IFT88: variants seen among roughly 807,000 people sequenced by gnomAD.
IFT88 encodes the protein intraflagellar transport 88.
Under a neutral mutation model 119.5 loss-of-function variants are expected in IFT88, and 74 were observed. That is an observed-to-expected ratio of 0.62 (90% CI 0.51 to 0.75). The LOEUF is 0.75. Among genes scored for constraint, IFT88 ranks in the 30% least tolerant of loss-of-function variants. IFT88 has a pLI of 0.00. For synonymous variants in IFT88, 279 were observed against 316.7 expected (o/e 0.88, Z 1.26); for missense variants, 961 against 977.7 (o/e 0.98, Z 0.23).
At chr13:20,626,055 T>C (rs2047263518) in intron 15 of IFT88, among the ~76,000 whole-genome samples, 1 of 89,604 alleles carries the variant, frequency 1.1e-5, no homozygotes, top group African/African-American at 4.8e-5. Context: ...TTTTTTTTTT[T>C]TTTTTTTTTT....
intron 22 of IFT88, among the ~76,000 whole-genome samples, chr13:20,661,408 T>C (rs2053753973): frequency 6.6e-6 from 1 of 152,166 alleles, no homozygotes; most frequent in Admixed American, 6.5e-5. Context: ...ATGTGTTTTC[T>C]TATACTACAA....
chr13:20,654,862 A>G (rs542625141), intron 21 of IFT88, among the ~76,000 whole-genome samples: 11 of 152,314 alleles, frequency 7.2e-5, no homozygotes, highest in African/African-American at 2.4e-4. Flanking sequence ...ATATATACAT[A>G]TGAACTATTC....
rs2043964791 is a variant in IFT88 at position 20,608,803 on chromosome 13, T to TTCTTGCAG, written c.1112+3699_1112+3706dup. On this transcript the variant is annotated intron_variant, in intron 13 of 25. Coordinates refer to ENST00000351808, the MANE Select transcript of IFT88 (RefSeq NM_006531.5). ...AAAAGCGATTGCAATTAGCATCCAATTCTTGCAGCCTTGCAGCCTGGTGCT... is the reference window on the plus strand; with the variant it reads ...AAAAGCGATTGCAATTAGCATCCAATTCTTGCAGTCTTGCAGCCTTGCAGCCTGGTGCT... 2.0e-5 allele frequency among the ~76,000 whole-genome samples: 3 copies of TTCTTGCAG among 152,178 alleles called. No homozygotes were observed. The South Asian group carries it at 6.2e-4, about 31-fold the overall frequency.
intron 23 of IFT88, among the ~76,000 whole-genome samples, chr13:20,669,189 A>G (rs970396412): frequency 6.6e-6 from 1 of 152,204 alleles, no homozygotes; most frequent in Non-Finnish European, 1.5e-5. Context: ...GAAAGTAGGA[A>G]TTTAAAGAGT....
chr13:20,607,652 G>A (rs1016981231), intron 13 of IFT88: 3 of 881,748 alleles, frequency 3.4e-6, no homozygotes, highest in Non-Finnish European at 5.8e-6. Flanking sequence ...CTGGGTTCTG[G>A]TGGACCTCTC....
intron 24 of IFT88, among the ~76,000 whole-genome samples, chr13:20,683,986 G>A (rs1365366076): frequency 6.6e-6 from 1 of 152,094 alleles, no homozygotes; most frequent in Non-Finnish European, 1.5e-5. Context: ...TAATCCTACC[G>A]TCCCCACTGG....
chr13:20,668,793 C>T (rs969965399), intron 23 of IFT88, among the ~76,000 whole-genome samples: 2 of 152,174 alleles, frequency 1.3e-5, no homozygotes, highest in Non-Finnish European at 2.9e-5. Context: ...CAGGGATTAG[C>T]GGACCCATCC....
chr13:20,677,219 G>A (rs1009213067), intron 24 of IFT88, among the ~76,000 whole-genome samples: 4 of 152,082 alleles, frequency 2.6e-5, no homozygotes, highest in African/African-American at 4.8e-5. Flanking sequence ...AGTAGCTATC[G>A]GCGTTCATTT....
chr13:20,635,638 A>C (rs2048911896), intron 16 of IFT88, among the ~76,000 whole-genome samples: 1 of 152,030 alleles, frequency 6.6e-6, no homozygotes, highest in Admixed American at 6.6e-5. Flanking sequence ...AAAACCAAAC[A>C]CCGCATGTTC....
intron 12 of IFT88, among the ~76,000 whole-genome samples, chr13:20,603,386 CAAAAA>C (rs59421842): frequency 1.0e-5 from 1 of 96,076 alleles, no homozygotes; most frequent in African/African-American, 3.3e-5. Context: ...AACTCCATCT[CAAAAA>C]AAAAAAAAAA....
intron 23 of IFT88, 111 bp from the exon 24 acceptor site, chr13:20,670,862 G>C: frequency 1.4e-6 from 1 of 740,128 alleles, no homozygotes; most frequent in East Asian, 3.0e-5. Flanking sequence ...GGTATGATGG[G>C]TTAGTCCTAA....
chr13:20,607,167 T>A, intron 13 of IFT88: 2 of 399,432 alleles, frequency 5.0e-6, no homozygotes, highest in South Asian at 4.0e-5. Flanking sequence ...TACGTGGGGC[T>A]CCTGCTGCTG....
chr13:20,680,837 A>G (rs1172826100), intron 24 of IFT88, among the ~76,000 whole-genome samples: 1 of 152,112 alleles, frequency 6.6e-6, no homozygotes, highest in Non-Finnish European at 1.5e-5. Flanking sequence ...ACCCCATGTT[A>G]TTATTTTACC....
At chr13:20,684,612 T>C (rs1210510787) in intron 24 of IFT88, among the ~76,000 whole-genome samples, 1 of 152,196 alleles carries the variant, frequency 6.6e-6, no homozygotes, top group Non-Finnish European at 1.5e-5. Flanking sequence ...TCTACATTCA[T>C]AGTTCCTCGG....
At chr13:20,629,663 G>T (rs943560211) in intron 15 of IFT88, among the ~76,000 whole-genome samples, 2 of 152,158 alleles carry the variant, frequency 1.3e-5, no homozygotes, top group Non-Finnish European at 2.9e-5. Context: ...GAGTCAGTTT[G>T]CCTACTGGTA....
At chr13:20,678,047 G>A (rs752934978) in intron 24 of IFT88, among the ~76,000 whole-genome samples, 3 of 152,128 alleles carry the variant, frequency 2.0e-5, no homozygotes, top group Non-Finnish European at 4.4e-5. Context: ...AGACTACAGA[G>A]GGCCATTAGA....
At chr13:20,626,043 C>CTTTCTTTTT (rs2047249498) in intron 15 of IFT88, among the ~76,000 whole-genome samples, 194 bp downstream of exon 15, 9 of 39,574 alleles carry the variant, frequency 2.3e-4, no homozygotes, top group African/African-American at 4.7e-4. Flanking sequence ...TTTGTCGTTT[C>CTTTCTTTTT]TTTTTTTTTT....
chr13:20,683,309 C>G (rs1399805067), intron 24 of IFT88, among the ~76,000 whole-genome samples: 1 of 152,136 alleles, frequency 6.6e-6, no homozygotes, highest in African/African-American at 2.4e-5. Context: ...TTCTGTCCTT[C>G]CGCTTGAAGC....
chr13:20,678,338 A>AG (rs1394891185), intron 24 of IFT88, among the ~76,000 whole-genome samples: 1 of 152,242 alleles, frequency 6.6e-6, no homozygotes, highest in Non-Finnish European at 1.5e-5. Context: ...GAGTGGGACC[A>AG]GGGGGCTGAC....
Sources: allele counts gnomAD v4.1 joint callset (sites outside exome capture counted in the v4.1 genomes callset), GRCh38; gene constraint gnomAD v4.1.1; transcripts MANE v1.5; gene names NCBI Gene and HGNC (gene_info 2026-07-23, HGNC 2026-07-21).